The following ZP3 variants were observed in gnomAD, a reference collection of about 807,000 sequenced individuals.
ZP3 encodes zona pellucida sperm-binding protein 3.
In ZP3, 21 loss-of-function variants were observed where a neutral mutation model predicts 35.6. That is an observed-to-expected ratio of 0.59 (90% CI 0.42 to 0.85). ZP3 has a LOEUF of 0.85. ZP3 is among the 40% of genes least tolerant of loss of function. The probability of loss-of-function intolerance (pLI) is 0.00; values close to 1 mark genes in which losing one functional copy is unlikely to be tolerated. For synonymous variants in ZP3, 207 were observed against 214.5 expected, an observed-to-expected ratio of 0.96 and a Z score of 0.31; for missense variants, 437 against 536.5, an observed-to-expected ratio of 0.81 and a Z score of 1.83.
chr7:76,414,525 G>C (rs1252910743), intron 1 of ZP3, among the ~76,000 whole-genome samples: 1 of 151,658 alleles, frequency 6.6e-6, no homozygotes, highest in African/African-American at 2.4e-5. Context: ...TTCTCTCTGA[G>C]TTTGCCTATT....
intron 2 of ZP3, among the ~76,000 whole-genome samples, chr7:76,431,928 G>C (rs1358893443): frequency 6.6e-6 from 1 of 151,090 alleles, no homozygotes; most frequent in Admixed American, 6.6e-5. Context: ...GGCCTTAGCT[G>C]ATTCCCCTCT....
chr7:76,405,211 C>A (rs1804959628), intron 1 of ZP3, among the ~76,000 whole-genome samples: 1 of 127,342 alleles, frequency 7.9e-6, no homozygotes, highest in Non-Finnish European at 1.7e-5. Flanking sequence ...TCAAGTGATT[C>A]TCCTGCCTCA....
In ZP3 at chr7:76,432,230, C is replaced by T. The variant is rs544946914; in HGVS notation, c.432-697C>T. 3.3e-5 allele frequency among the ~76,000 whole-genome samples: 5 copies of T among 151,732 alleles called. No individual in the cohort carries two copies. The East Asian group carries it at 9.8e-4, about 30-fold the overall frequency. On this transcript the variant is annotated intron_variant, in intron 2 of 7. Transcript: ENST00000394857. ...TTGAGATGGAGTCTTGCTCTGTTGC[C>T]CAGGCTGGAGTGCAGTGGTGTGATC...
exon 1 of ZP3, chr7:76,397,569 A>G: frequency 6.2e-7 from 1 of 1,607,238 alleles, no homozygotes; most frequent in Middle Eastern, 1.7e-4. Flanking sequence ...TGCACACCCC[A>G]GCCCAGGCTC....
chr7:76,418,053 T>C (rs1462772415), intron 1 of ZP3, among the ~76,000 whole-genome samples: 1 of 150,610 alleles, frequency 6.6e-6, no homozygotes, highest in East Asian at 2.0e-4. Context: ...GTCTCCTGCC[T>C]CAGCCTCCCA....
At chr7:76,398,105 C>G (rs1260376717) in intron 1 of ZP3, among the ~76,000 whole-genome samples, 2 of 152,140 alleles carry the variant, frequency 1.3e-5, no homozygotes, top group Admixed American at 6.6e-5. Flanking sequence ...CCTCAAGATA[C>G]AGCCCCACAC....
intron 5 of ZP3, among the ~76,000 whole-genome samples, chr7:76,434,960 A>G (rs1252340057): frequency 6.6e-6 from 1 of 152,090 alleles, no homozygotes; most frequent in Non-Finnish European, 1.5e-5. Context: ...AGGAATGAAG[A>G]TGGGAACTGC....
At chr7:76,400,203 G>A in intron 1 of ZP3, 3 of 1,366,052 alleles carry the variant, frequency 2.2e-6, no homozygotes, top group Non-Finnish European at 2.9e-6. Flanking sequence ...CTTACCTGTG[G>A]GAAGTCCCTT....
In ZP3 at chr7:76,425,295, C is replaced by T. The variant is rs1186810341; in HGVS notation, c.312+19C>T. The T allele has an allele frequency of 6.3e-7, 1 of 1,584,938 alleles. No individual in the cohort carries two copies. On this transcript the variant is annotated intron_variant, in intron 1 of 7. Coordinates refer to ENST00000394857, the MANE Select transcript of ZP3 (RefSeq NM_001110354.2). ...CATGCAGGTAAGAGAGGCTGGGGGC[C>T]CTGGCTTTGGTGGGAGGATGTTCGA...
In ZP3 at chr7:76,441,833, C is replaced by T; in HGVS notation, c.1061-9C>T. On this transcript the variant is annotated splice_polypyrimidine_tract_variant and intron_variant, in intron 7 of 7. Transcript: ENST00000394857. ...AGATAACCCTTGGTTGTGTGTTCTC[C>T]TTTCACAGTGACAGAAGAAGCAGAT... is the stretch of plus-strand genomic sequence containing the variant. 6.2e-6 allele frequency: 10 copies of T among 1,613,830 alleles called. No individual in the cohort carries two copies. The highest frequency in any genetic ancestry group is 8.5e-6 in the Non-Finnish European group (10 of 1,179,804).
At chr7:76,423,183 G>T (rs1396016195), upstream of ZP3, among the ~76,000 whole-genome samples, 1 of 151,136 alleles carries the variant, frequency 6.6e-6, no homozygotes, top group Non-Finnish European at 1.5e-5. Context: ...GAGAGGGAGA[G>T]AGAGGGAAAG....
intron 1 of ZP3, chr7:76,404,432 T>C: frequency 1.2e-6 from 2 of 1,614,076 alleles, no homozygotes; most frequent in Non-Finnish European, 1.7e-6. Context: ...CTCTGCTTCC[T>C]TGTGCATCTA....
chr7:76,429,674 C>T (rs112375449), intron 2 of ZP3, 41 bp downstream of exon 2: 3 of 1,573,086 alleles, frequency 1.9e-6, no homozygotes, highest in Middle Eastern at 1.7e-4. Context: ...TGCAAAAGCC[C>T]CTTGGGTGTG....
intron 1 of ZP3, among the ~76,000 whole-genome samples, chr7:76,413,855 CA>C (rs2115845095): frequency 6.6e-6 from 1 of 152,142 alleles, no homozygotes; most frequent in South Asian, 2.1e-4. Context: ...TTTGAAGAGA[CA>C]AAGTCTCACT....
intron 1 of ZP3, among the ~76,000 whole-genome samples, chr7:76,426,822 G>C (rs148819953): frequency 7.3e-4 from 109 of 149,060 alleles, no homozygotes; most frequent in African/African-American, 2.7e-3. Flanking sequence ...TTGGGCCCGG[G>C]AGTTTAAGGC....
chr7:76,423,029 A>AGAGAGAGAGAGAGAGAGAGAGAGAGAGAG (rs767704641), upstream of ZP3, among the ~76,000 whole-genome samples: 1 of 55,530 alleles, frequency 1.8e-5, no homozygotes, highest in African/African-American at 7.2e-5. Flanking sequence ...GAGAGAGAGA[A>AGAGAGAGAGAGAGAGAGAGAGAGAGAGAG]AGAAAGAAAG....
At chr7:76,418,653 G>A (rs1805435578) in intron 1 of ZP3, among the ~76,000 whole-genome samples, 1 of 150,692 alleles carries the variant, frequency 6.6e-6, no homozygotes, top group Non-Finnish European at 1.5e-5. Flanking sequence ...TCAGGCGGTC[G>A]AGACCATCCC....
intron 1 of ZP3, among the ~76,000 whole-genome samples, chr7:76,415,654 C>A (rs1238064062): frequency 6.6e-6 from 1 of 150,636 alleles, no homozygotes; most frequent in East Asian, 2.1e-4. Context: ...CCACCACAAC[C>A]GGCTAATTAT....
chr7:76,411,637 T>C (rs1805246906), intron 1 of ZP3, among the ~76,000 whole-genome samples: 1 of 152,128 alleles, frequency 6.6e-6, no homozygotes, highest in South Asian at 2.1e-4. Flanking sequence ...AAAAAAATAG[T>C]TGGTGATATC....
Sources: allele counts gnomAD v4.1 joint callset (sites outside exome capture counted in the v4.1 genomes callset), GRCh38; gene constraint gnomAD v4.1.1; transcripts MANE v1.5; gene names NCBI Gene and HGNC (gene_info 2026-07-23, HGNC 2026-07-21).